Variants in RNF130 observed in about 807,000 individuals in gnomAD.
The protein encoded by RNF130 is ring finger protein 130.
A neutral mutation model predicts 44.6 loss-of-function variants in RNF130; 21 were observed. That is an observed-to-expected ratio of 0.47 (90% CI 0.33 to 0.68). The LOEUF is 0.68. Ranked by LOEUF, RNF130 falls within the 30% of genes least tolerant of loss-of-function variation. The pLI, the probability that RNF130 is intolerant of heterozygous loss-of-function variation, is 0.02. For missense variants in RNF130, 479 were observed against 560.6 expected (o/e 0.85, Z 1.47); for synonymous variants, 214 against 210.4 (o/e 1.02, Z -0.15).
intron 3 of RNF130, among the ~76,000 whole-genome samples, chr5:180,005,185 T>A (rs1350832539): frequency 1.3e-5 from 2 of 152,172 alleles, no homozygotes; most frequent in African/African-American, 4.8e-5. Flanking sequence ...CCCAGCACTT[T>A]GGGAGGCCGA....
intron 1 of RNF130, among the ~76,000 whole-genome samples, chr5:180,063,938 G>C (rs1295605754): frequency 6.6e-6 from 1 of 152,142 alleles, no homozygotes; most frequent in Non-Finnish European, 1.5e-5. Flanking sequence ...AAGCCAGGAG[G>C]GGGCTGAAAG....
At chr5:179,954,960 C>T (rs1023147110), downstream of RNF130, 2 of 152,210 alleles carry the variant, frequency 1.3e-5, no homozygotes, top group South Asian at 2.1e-4. Flanking sequence ...CATGTAAAAT[C>T]GCTCTCACCT....
chr5:179,988,779 G>C (rs987424670), intron 3 of RNF130, among the ~76,000 whole-genome samples: 2 of 152,104 alleles, frequency 1.3e-5, no homozygotes, highest in Non-Finnish European at 2.9e-5. Context: ...TTAAAAATTT[G>C]TTGAGACTTG....
chr5:180,021,766 C>T (rs188738677), intron 2 of RNF130, among the ~76,000 whole-genome samples: 2 of 152,246 alleles, frequency 1.3e-5, no homozygotes, highest in Non-Finnish European at 2.9e-5. Flanking sequence ...TTCCTACAAA[C>T]AAAATTTATA....
chr5:180,059,818 G>A (rs916652765), intron 1 of RNF130, among the ~76,000 whole-genome samples: 25 of 152,196 alleles, frequency 1.6e-4, no homozygotes, highest in Non-Finnish European at 2.9e-5. Context: ...GGCCTGCTAC[G>A]TGAGAGAGGC....
At chr5:179,939,436 G>A in intron 7 of RNF130, 1 of 184,554 alleles carries the variant, frequency 5.4e-6, no homozygotes, top group Non-Finnish European at 1.1e-5. Flanking sequence ...CCCTCAGATG[G>A]TGCTTCTGTA....
At chr5:179,917,767 CGA>C (rs1023579863) in exon 8 of RNF130, 28 of 152,232 alleles carry the variant, frequency 1.8e-4, no homozygotes, top group African/African-American at 6.5e-4. Flanking sequence ...TTTGGGAGGC[CGA>C]GGTGGGGGTG....
chr5:179,935,353 TATAA>T (rs1252686072), intron 7 of RNF130, among the ~76,000 whole-genome samples: 1 of 152,210 alleles, frequency 6.6e-6, no homozygotes, highest in African/African-American at 2.4e-5. Context: ...ATGAGGGCTA[TATAA>T]ATATATATGT....
intron 7 of RNF130, among the ~76,000 whole-genome samples, chr5:179,928,410 G>GT (rs1302173898): frequency 1.3e-5 from 2 of 151,326 alleles, no homozygotes; most frequent in East Asian, 3.9e-4. Context: ...ATTTCACTAT[G>GT]TTTTAACGTC....
intron 1 of RNF130, among the ~76,000 whole-genome samples, chr5:180,059,941 A>G (rs1438969767): frequency 6.6e-6 from 1 of 152,182 alleles, no homozygotes; most frequent in Non-Finnish European, 1.5e-5. Context: ...AAGGTTGATC[A>G]TCGGCTGACT....
chr5:179,996,949 T>C (rs1016444398), intron 3 of RNF130, among the ~76,000 whole-genome samples: 10 of 152,198 alleles, frequency 6.6e-5, no homozygotes, highest in Admixed American at 3.3e-4. Flanking sequence ...GTGCTGGACT[T>C]TTCTTTAATG....
intron 1 of RNF130, among the ~76,000 whole-genome samples, chr5:180,055,259 A>AAC (rs1561709587): frequency 1.2e-4 from 4 of 33,028 alleles, no homozygotes; most frequent in Non-Finnish European, 1.9e-4. Flanking sequence ...AAAAAAAAAA[A>AAC]AAAAAAAAAA....
chr5:180,017,730 T>C (rs1376527247), intron 2 of RNF130, among the ~76,000 whole-genome samples: 1 of 152,132 alleles, frequency 6.6e-6, no homozygotes, highest in Non-Finnish European at 1.5e-5. Context: ...AATATGATAA[T>C]ACTGCTATAA....
Position 179,922,064 on chromosome 5 carries a change from C to T in RNF130, c.1151-1638G>A, listed in dbSNP as rs115554473. ...AAAAGAAAAAAAAAGATGGCCCTAC[C>T]GGCAGCCTATGGTAGTCTCAGCTCC... is the stretch of plus-strand genomic sequence containing the variant. On this transcript the variant is annotated intron_variant, in intron 7 of 7. Transcript: ENST00000522208. 6.6e-3 allele frequency among the ~76,000 whole-genome samples: 999 copies of T among 151,602 alleles called. 26 individuals carry two copies. The highest frequency in any genetic ancestry group is 0.023 in the African/African-American group (949 of 41,080).
intron 7 of RNF130, among the ~76,000 whole-genome samples, chr5:179,944,551 C>A (rs1378166292): frequency 6.6e-6 from 1 of 152,026 alleles, no homozygotes; most frequent in African/African-American, 2.4e-5. Context: ...GCAACCTCCA[C>A]CTTCCGGGTT....
At position 180,071,477 on chromosome 5, in the gene RNF130, C is replaced by A; in HGVS notation, c.226G>T (p.Ala76Ser). The A allele has an allele frequency of 8.0e-7, 1 of 1,249,962 alleles. No individual in the cohort carries two copies. 77.4% of individuals were successfully genotyped at this position (1,249,962 alleles called of 1,614,324 possible). The stretch of plus-strand genomic sequence containing the variant: ...TCACCTCCGTGGAGGGGCAGCGGCG[C>A]CAGCACCTGGCCGCGGACCTCGGCC... ...PKAEVRGQVL[A>S]PLPLHGVADH... The change falls in exon 1 of 9, where the codon GCG (alanine) becomes TCG (serine). Residue 76 changes from alanine (A) to serine (S), a missense_variant. This residue lies in a region of RNF130 where 138 missense variants were observed against 126.9 expected (regional missense o/e 1.09). Coordinates refer to ENST00000521389, the MANE Select transcript of RNF130 (RefSeq NM_018434.6).
intron 2 of RNF130, among the ~76,000 whole-genome samples, chr5:180,017,284 C>T (rs956556398): frequency 2.0e-5 from 3 of 152,174 alleles, no homozygotes. Context: ...CTCCTCAGCT[C>T]GTCACTTCAG....
intron 1 of RNF130, among the ~76,000 whole-genome samples, chr5:180,053,297 TG>T (rs1764731724): frequency 6.6e-6 from 1 of 151,918 alleles, no homozygotes; most frequent in Non-Finnish European, 1.5e-5. Context: ...GGTGAACAGC[TG>T]CCCGAACCCA....
At chr5:179,986,639 T>C (rs1359023950) in intron 3 of RNF130, among the ~76,000 whole-genome samples, 1 of 152,172 alleles carries the variant, frequency 6.6e-6, no homozygotes, top group Admixed American at 6.5e-5. Context: ...CAGTACGTAC[T>C]ACTGTTAATT....
Sources: allele counts gnomAD v4.1 joint callset (sites outside exome capture counted in the v4.1 genomes callset), GRCh38; gene constraint gnomAD v4.1.1; regional missense constraint gnomAD v4.1.1; transcripts MANE v1.5; gene names NCBI Gene and HGNC (gene_info 2026-07-23, HGNC 2026-07-21).